PTPRN2: variants seen among roughly 807,000 people sequenced by gnomAD.
The protein encoded by PTPRN2 is protein tyrosine phosphatase receptor type N2.
PTPRN2 carries 74 observed loss-of-function variants against 118.8 expected under a neutral mutation model. The observed-to-expected ratio is 0.62, with a 90% CI of 0.52 to 0.76. PTPRN2 has a LOEUF of 0.76. Among genes scored for constraint, PTPRN2 ranks in the 30% least tolerant of loss-of-function variants. The pLI is 0.00. For synonymous variants in PTPRN2, 641 were observed against 608.0 expected, an observed-to-expected ratio of 1.05 and a Z score of -0.80; for missense variants, 1,481 against 1,394.4, an observed-to-expected ratio of 1.06 and a Z score of -0.99.
chr7:158,134,971 C>T (rs928074004), intron 8 of PTPRN2, among the ~76,000 whole-genome samples: 4 of 152,158 alleles, frequency 2.6e-5, no homozygotes, highest in East Asian at 1.9e-4. Flanking sequence ...AAGACATGAT[C>T]TCCACCCCTG....
intron 2 of PTPRN2, among the ~76,000 whole-genome samples, chr7:158,336,223 C>T (rs1278010384): frequency 2.6e-4 from 15 of 58,450 alleles, no homozygotes; most frequent in African/African-American, 9.4e-4. Context: ...AGCCGACGCC[C>T]GCAGACATCA....
In PTPRN2 at chr7:158,566,435, C is replaced by T. The variant is rs115308905; in HGVS notation, c.112+21123G>A. On this transcript the variant is annotated intron_variant, in intron 1 of 22. Coordinates refer to ENST00000389418, the MANE Select transcript of PTPRN2 (RefSeq NM_002847.5). The stretch of plus-strand genomic sequence containing the variant: ...AGCCATCGAGCTGACTGTAGCCTCC[C>T]GAGGACAAGCTTTGGGAAACAGGCC... Among the ~76,000 whole-genome samples the T allele has an allele frequency of 2.7e-3, 414 of 152,278 alleles. 2 individuals are homozygous for T. Among genetic ancestry groups the T allele is most frequent in the African/African-American group, 9.4e-3 (389 of 41,550 alleles).
intron 3 of PTPRN2, among the ~76,000 whole-genome samples, chr7:158,211,882 G>A (rs896871310): frequency 6.6e-5 from 10 of 152,050 alleles, no homozygotes; most frequent in Non-Finnish European, 8.8e-5. Context: ...TACCCAAAAG[G>A]TAATCAGTGT....
At chr7:157,545,181 T>C (rs1377759288) in intron 22 of PTPRN2, among the ~76,000 whole-genome samples, 1 of 136,000 alleles carries the variant, frequency 7.4e-6, no homozygotes, top group Non-Finnish European at 1.6e-5. Context: ...TGAGTGGTGT[T>C]TGTGGGTGTC....
chr7:158,326,453 C>T (rs151235260), intron 2 of PTPRN2, among the ~76,000 whole-genome samples: 11 of 152,358 alleles, frequency 7.2e-5, no homozygotes, highest in African/African-American at 2.6e-4. Flanking sequence ...CACACTTGTA[C>T]ACGTGTGCAC....
chr7:158,319,416 TCCCACACACACACACACACAGC>T (rs1802638094), intron 2 of PTPRN2, among the ~76,000 whole-genome samples: 2 of 66,222 alleles, frequency 3.0e-5, no homozygotes, highest in African/African-American at 1.4e-4. Context: ...ACACACAGCC[TCCCACACACACACACACACAGC>T]CTCCCTCACA....
chr7:157,823,256 A>T (rs537728040), intron 12 of PTPRN2, among the ~76,000 whole-genome samples: 2 of 152,358 alleles, frequency 1.3e-5, no homozygotes, highest in Non-Finnish European at 2.9e-5. Flanking sequence ...TAAATACCTA[A>T]AATACTAAAG....
chr7:157,989,708 G>A lies in PTPRN2; in HGVS notation c.1724-90971C>T, dbSNP rs569533027. On this transcript the variant is annotated intron_variant, in intron 11 of 22. Transcript: ENST00000389418. Reference sequence around the variant, plus strand: ...CGGGGGCGGGTGCCACCTCACCTTCGGGTACCTGACGGGCCGGAATGACAC... The same window carrying A: ...CGGGGGCGGGTGCCACCTCACCTTCAGGTACCTGACGGGCCGGAATGACAC... Among the ~76,000 whole-genome samples, 16 of 152,226 alleles carry A rather than the reference G, an allele frequency of 1.1e-4. No homozygotes were observed. The East Asian group carries it at 2.3e-3, about 22-fold the overall frequency.
chr7:158,484,144 A>T lies in PTPRN2; in HGVS notation c.163+5591T>A, dbSNP rs111269958. Among the ~76,000 whole-genome samples, 472 of 147,228 alleles carry T rather than the reference A, an allele frequency of 3.2e-3. 1 individual carries two copies. Among genetic ancestry groups the T allele is most frequent in the African/African-American group, 0.011 (439 of 40,790 alleles). ...TGGCGACAGAACAAGTGCTTGTCTT[A>T]AAAAAAACAAAAAACTGTAAGAGTC... On this transcript the variant is annotated intron_variant, in intron 2 of 22. Coordinates refer to ENST00000389418, the MANE Select transcript of PTPRN2 (RefSeq NM_002847.5).
rs1563072653 is a variant in PTPRN2 at position 158,273,460 on chromosome 7, G to GACGCGGGAGGAGCCGCAGGCA, written c.277+43358_277+43359insTGCCTGCGGCTCCTCCCGCGT. ...GACAGACGCGGGAGGAGCCGCAGAC[G>GACGCGGGAGGAGCCGCAGGCA]CAGGGGGAGCCGCAGGCACAGGGGG... On this transcript the variant is annotated intron_variant, in intron 3 of 22. Transcript: ENST00000389418. Among the ~76,000 whole-genome samples, 52 of 62,356 alleles carry GACGCGGGAGGAGCCGCAGGCA rather than the reference G, an allele frequency of 8.3e-4. 8 individuals carry two copies. Among genetic ancestry groups the GACGCGGGAGGAGCCGCAGGCA allele is most frequent in the South Asian group, 4.9e-3 (13 of 2,664 alleles). The allele number at this position is 62,356 out of a possible 152,430, so 40.9% of individuals were successfully genotyped here.
At position 158,415,839 on chromosome 7, in the gene PTPRN2, CTTCAGAGTAGTTCATAAATTGT is replaced by C. The variant is rs1814612741; in HGVS notation, c.163+73874_163+73895del. On this transcript the variant is annotated intron_variant, in intron 2 of 22. Coordinates refer to ENST00000389418, the MANE Select transcript of PTPRN2 (RefSeq NM_002847.5). Reference sequence around the variant, plus strand: ...CCTAGTTTTAGTCACTAAGAAGGGACTTCAGAGTAGTTCATAAATTGTCTCTAAGGATTTTCAATACCAGAGC... The same window carrying C: ...CCTAGTTTTAGTCACTAAGAAGGGACCTCTAAGGATTTTCAATACCAGAGC... 2.6e-5 allele frequency among the ~76,000 whole-genome samples: 4 copies of C among 152,334 alleles called. No homozygotes were observed. In the South Asian group the frequency reaches 8.3e-4, roughly 32 times the overall value.
intron 1 of PTPRN2, among the ~76,000 whole-genome samples, chr7:158,554,909 G>A (rs1254004127): frequency 2.0e-5 from 3 of 151,998 alleles, no homozygotes; most frequent in Admixed American, 1.3e-4. Flanking sequence ...ACAGACAGCC[G>A]CCTCACCTCC....
At chr7:158,275,208 G>A (rs534135952) in intron 3 of PTPRN2, among the ~76,000 whole-genome samples, 4 of 151,440 alleles carry the variant, frequency 2.6e-5, no homozygotes, top group Non-Finnish European at 4.4e-5. Flanking sequence ...GGGACAGTGG[G>A]GACAGCGCCT....
chr7:157,685,601 C>T (rs533664495), intron 12 of PTPRN2, among the ~76,000 whole-genome samples: 224 of 152,216 alleles, frequency 1.5e-3, no homozygotes, highest in African/African-American at 3.7e-3. Context: ...AGGAGGGACC[C>T]GGGGCCAGCC....
Position 157,779,689 on chromosome 7 carries a change from C to T in PTPRN2, c.1789-96752G>A, listed in dbSNP as rs528579662. Reference sequence around the variant, plus strand: ...CAGGACGAGCTGGGGTGAGGGGCCCCGGCCAGAAGGATGTCCTGATGAGGG... The same window carrying T: ...CAGGACGAGCTGGGGTGAGGGGCCCTGGCCAGAAGGATGTCCTGATGAGGG... On this transcript the variant is annotated intron_variant, in intron 12 of 22. Coordinates refer to ENST00000389418, the MANE Select transcript of PTPRN2 (RefSeq NM_002847.5). The surrounding 1 kb of genome is among the most constrained non-coding windows in gnomAD (Gnocchi z 4.7). 3.9e-5 allele frequency among the ~76,000 whole-genome samples: 6 copies of T among 152,266 alleles called. No homozygotes were observed. Among genetic ancestry groups the T allele is most frequent in the East Asian group, 1.9e-4 (1 of 5,176 alleles).
intron 6 of PTPRN2, among the ~76,000 whole-genome samples, chr7:158,138,873 G>A (rs1423439247): frequency 3.9e-5 from 6 of 152,190 alleles, no homozygotes; most frequent in Non-Finnish European, 8.8e-5. Context: ...GAGGATAAAA[G>A]AATGGGATGA....
chr7:157,941,467 A>C (rs112123265), intron 11 of PTPRN2, among the ~76,000 whole-genome samples: 1 of 143,612 alleles, frequency 7.0e-6, no homozygotes, highest in African/African-American at 2.6e-5. Flanking sequence ...CACTGCAAAT[A>C]TAACCCCCTC....
chr7:158,050,218 G>C (rs550376698), intron 11 of PTPRN2, among the ~76,000 whole-genome samples: 14 of 152,298 alleles, frequency 9.2e-5, no homozygotes, highest in African/African-American at 3.4e-4. Flanking sequence ...AAAATATTCA[G>C]GGAATGCAGC....
chr7:158,187,351 T>C (rs565170550), intron 5 of PTPRN2, among the ~76,000 whole-genome samples: 1 of 152,234 alleles, frequency 6.6e-6, no homozygotes, highest in South Asian at 2.1e-4. Context: ...ATTTATAAAA[T>C]AATTCACAGG....
Sources: allele counts gnomAD v4.1 joint callset (sites outside exome capture counted in the v4.1 genomes callset), GRCh38; gene constraint gnomAD v4.1.1; non-coding constraint Gnocchi (gnomAD v3.1); transcripts MANE v1.5; gene names NCBI Gene and HGNC (gene_info 2026-07-23, HGNC 2026-07-21).